FAM168A: variants seen among roughly 807,000 people sequenced by gnomAD.
FAM168A encodes protein FAM168A.
A neutral mutation model predicts 28.5 loss-of-function variants in FAM168A; 3 were observed. The ratio of observed to expected loss-of-function variants is 0.11; its 90% confidence interval spans 0.05 to 0.27. The LOEUF (loss-of-function observed/expected upper bound fraction) is 0.27. FAM168A is among the 10% of genes least tolerant of loss of function. FAM168A has a pLI of 1.00. For synonymous variants in FAM168A, 122 were observed against 124.2 expected (o/e 0.98, Z 0.12); for missense variants, 222 against 311.5 (o/e 0.71, Z 2.16).
chr11:73,585,736 C>T (rs1182600221), intron 1 of FAM168A, among the ~76,000 whole-genome samples: 1 of 151,860 alleles, frequency 6.6e-6, no homozygotes, highest in African/African-American at 2.4e-5. Context: ...AGCATGGTGG[C>T]ACGCGCCCGT....
intron 1 of FAM168A, among the ~76,000 whole-genome samples, chr11:73,584,469 C>CTTTT (rs1162075797): frequency 1.1e-4 from 14 of 128,280 alleles, no homozygotes; most frequent in Non-Finnish European, 1.8e-4. Flanking sequence ...GGCCCACTGA[C>CTTTT]TTTTTTTTTT....
chr11:73,441,461 G>A (rs1175964033), intron 2 of FAM168A, among the ~76,000 whole-genome samples: 3 of 152,202 alleles, frequency 2.0e-5, no homozygotes, highest in Admixed American at 1.3e-4. Flanking sequence ...ATTCAAATGG[G>A]TTATTGGTCT....
intron 1 of FAM168A, among the ~76,000 whole-genome samples, chr11:73,520,041 TTTA>T (rs772739249): frequency 4.6e-5 from 7 of 151,166 alleles, no homozygotes; most frequent in Admixed American, 6.6e-5. Flanking sequence ...AAATTATAAT[TTTA>T]TTATTATTAT....
chr11:73,561,291 C>T (rs949970741), intron 1 of FAM168A, among the ~76,000 whole-genome samples: 15 of 152,024 alleles, frequency 9.9e-5, no homozygotes, highest in African/African-American at 3.4e-4. Context: ...AGGAGAATCG[C>T]TTCAACCTGG....
At chr11:73,421,773 C>A (rs1866797207) in intron 3 of FAM168A, among the ~76,000 whole-genome samples, 1 of 152,206 alleles carries the variant, frequency 6.6e-6, no homozygotes, top group East Asian at 1.9e-4. Flanking sequence ...TCTGAAAAGT[C>A]AGATAAAGCA....
intron 4 of FAM168A, 38 bp downstream of exon 4, chr11:73,419,836 A>T (rs374781196): frequency 6.2e-7 from 1 of 1,611,880 alleles, no homozygotes; most frequent in Non-Finnish European, 8.5e-7. Context: ...ATCAGTCCCA[A>T]CCAAGGGGAA....
chr11:73,556,153 G>C (rs368143771), intron 1 of FAM168A, among the ~76,000 whole-genome samples: 1,321 of 2,660 alleles, frequency 0.5, 20 homozygotes, highest in African/African-American at 0.51. Flanking sequence ...AGAACAGCCT[G>C]GGCAACATAA....
At chr11:73,465,216 A>G (rs1867716049) in intron 2 of FAM168A, among the ~76,000 whole-genome samples, 1 of 149,806 alleles carries the variant, frequency 6.7e-6, no homozygotes, top group Non-Finnish European at 1.5e-5. Context: ...ACCAGATTTC[A>G]GCAGAGATCT....
rs1866468209 is a variant in FAM168A at position 73,404,520 on chromosome 11, A to G, written c.*2243T>C. The G allele has an allele frequency of 6.6e-6, 1 of 152,212 alleles. No individual in the cohort carries two copies. Among genetic ancestry groups the G allele is most frequent in the African/African-American group, 2.4e-5 (1 of 41,452 alleles). The allele number at this position is 152,212 out of a possible 1,614,324, so 9.4% of individuals were successfully genotyped here. ...GAACAACCTTCACCCACCTTTACAA[A>G]ACCAAAGAGGGTGGAAGGAGGTATT... On this transcript the variant is annotated 3_prime_UTR_variant, in exon 8 of 8. Coordinates refer to ENST00000356467, the MANE Select transcript of FAM168A (RefSeq NM_015159.3).
At chr11:73,578,896 T>A (rs1590746744) in intron 1 of FAM168A, among the ~76,000 whole-genome samples, 2 of 152,218 alleles carry the variant, frequency 1.3e-5, no homozygotes, top group South Asian at 4.1e-4. Flanking sequence ...AGCAATGCTA[T>A]CCATCTTAGT....
chr11:73,484,868 C>A (rs1240577408), intron 1 of FAM168A, among the ~76,000 whole-genome samples: 3 of 151,698 alleles, frequency 2.0e-5, no homozygotes, highest in African/African-American at 7.3e-5. Context: ...AACCTGGAGT[C>A]CGATGTTCAA....
chr11:73,545,753 G>C (rs551947949), intron 1 of FAM168A, among the ~76,000 whole-genome samples: 1 of 142,616 alleles, frequency 7.0e-6, no homozygotes. Context: ...GCAGTGGTGC[G>C]ATCACGGCTG....
chr11:73,567,108 C>T (rs1435064169), intron 1 of FAM168A, among the ~76,000 whole-genome samples: 1 of 152,180 alleles, frequency 6.6e-6, no homozygotes, highest in Non-Finnish European at 1.5e-5. Context: ...AGAATGGAGG[C>T]TGCCGTCCAC....
intron 1 of FAM168A, among the ~76,000 whole-genome samples, chr11:73,551,042 T>C (rs1238945983): frequency 1.1e-4 from 16 of 146,956 alleles, no homozygotes; most frequent in African/African-American, 4.1e-4. Context: ...ACCCAGGAGG[T>C]GGAGCTTGCA....
At chr11:73,531,338 A>G (rs533972734) in intron 1 of FAM168A, among the ~76,000 whole-genome samples, 1 of 152,250 alleles carries the variant, frequency 6.6e-6, no homozygotes, top group Non-Finnish European at 1.5e-5. Context: ...AAAGCAATAC[A>G]GAAACAAATT....
intron 1 of FAM168A, among the ~76,000 whole-genome samples, chr11:73,473,013 G>A (rs1393402471): frequency 6.6e-6 from 1 of 151,710 alleles, no homozygotes. Context: ...TGGTTCTGTG[G>A]AGGTTAAAAA....
At chr11:73,452,814 T>A (rs5004965) in intron 2 of FAM168A, among the ~76,000 whole-genome samples, 9,402 of 113,332 alleles carry the variant, frequency 0.083, 844 homozygotes, top group African/African-American at 0.32. Flanking sequence ...AAAAAAAAAA[T>A]AATAATAATA....
At chr11:73,540,843 C>G (rs1180347399) in intron 1 of FAM168A, among the ~76,000 whole-genome samples, 1 of 152,168 alleles carries the variant, frequency 6.6e-6, no homozygotes, top group African/African-American at 2.4e-5. Context: ...GTCTTGGTTA[C>G]AACTGTATCT....
chr11:73,524,138 C>T (rs538127946), intron 1 of FAM168A, among the ~76,000 whole-genome samples: 2 of 152,292 alleles, frequency 1.3e-5, no homozygotes, highest in East Asian at 1.9e-4. Flanking sequence ...TCCAATACTG[C>T]TTTTGAGAAA....
Sources: allele counts gnomAD v4.1 joint callset (sites outside exome capture counted in the v4.1 genomes callset), GRCh38; gene constraint gnomAD v4.1.1; transcripts MANE v1.5; gene names NCBI Gene and HGNC (gene_info 2026-07-23, HGNC 2026-07-21).